The following SEC16B variants were observed in gnomAD, a reference collection of about 807,000 sequenced individuals.
SEC16B encodes the protein protein transport protein Sec16B.
Under a neutral mutation model 141.8 loss-of-function variants are expected in SEC16B, and 115 were observed. The ratio of observed to expected loss-of-function variants is 0.81; its 90% CI spans 0.70 to 0.95. The LOEUF is 0.95. Ranked by LOEUF, SEC16B falls within the 40% of genes least tolerant of loss-of-function variation. The pLI is 0.00. For missense variants in SEC16B, 1,291 were observed against 1,312.3 expected, an observed-to-expected ratio of 0.98 and a Z score of 0.25; for synonymous variants, 493 against 492.5, an observed-to-expected ratio of 1.00 and a Z score of -0.01.
intron 2 of SEC16B, among the ~76,000 whole-genome samples, chr1:177,966,347 T>C (rs1317230407): frequency 6.6e-6 from 1 of 152,188 alleles, no homozygotes; most frequent in Non-Finnish European, 1.5e-5. Flanking sequence ...CCTGATATTA[T>C]CTGAGAAAAC....
At chr1:177,979,739 G>A (rs567543073) in intron 1 of SEC16B, among the ~76,000 whole-genome samples, 1 of 152,318 alleles carries the variant, frequency 6.6e-6, no homozygotes, top group African/African-American at 2.4e-5. Flanking sequence ...TGGCTGAGGA[G>A]GCCTCACAAT....
chr1:177,956,733 A>T (rs1652631093), intron 10 of SEC16B, among the ~76,000 whole-genome samples: 1 of 152,200 alleles, frequency 6.6e-6, no homozygotes, highest in Admixed American at 6.5e-5. Flanking sequence ...AATGCTGTGA[A>T]ATCAATACAC....
Position 177,937,417 on chromosome 1 carries a change from A to G in SEC16B, c.2300T>C (p.Leu767Pro), listed in dbSNP as rs1474475879. Residue 767 changes from leucine to proline, a missense_variant, in exon 19 of 26, where the codon CTG becomes CCG. Transcript: ENST00000308284. ...GGGCTGCTGTGGGCTGGGCTGGAGC[A>G]GGCAGGTCTGCTCAGGTGTCAGCCA... ...ALWLTPEQTC[L>P]LQPSPQQPFP... 1.2e-6 allele frequency: 2 copies of G among 1,609,596 alleles called. No individual in the cohort carries two copies. Among genetic ancestry groups the G allele is most frequent in the Non-Finnish European group, 8.5e-7 (1 of 1,178,162 alleles).
intron 17 of SEC16B, 148 bp from the exon 18 acceptor site, chr1:177,939,925 G>A (rs1377215348): frequency 1.5e-6 from 1 of 668,548 alleles, no homozygotes; most frequent in Non-Finnish European, 2.5e-6. Context: ...GGGGCCTGGG[G>A]GGTCACGTGG....
chr1:177,937,461 A>T lies in SEC16B; in HGVS notation c.2256T>A (p.Pro752=). ...FSGCQGYSEA[P]GYRSALWLTP... Reference sequence around the variant, plus strand: ...TCAGCCACAGAGCTGAGCGGTACCCAGGGGCTTCAGAGTAGCCTTGACATC... The same window carrying T: ...TCAGCCACAGAGCTGAGCGGTACCCTGGGGCTTCAGAGTAGCCTTGACATC... The change falls in exon 19 of 26, where the codon CCT becomes CCA. Residue 752 remains proline (P), a synonymous_variant. Transcript: ENST00000308284. 2 of 1,595,924 alleles carry T rather than the reference A, an allele frequency of 1.3e-6. No homozygotes were observed. The highest frequency in any genetic ancestry group is 3.5e-5 in the Admixed American group (2 of 57,076).
intron 1 of SEC16B, among the ~76,000 whole-genome samples, chr1:177,969,316 G>T (rs1005022240): frequency 2.6e-5 from 4 of 152,172 alleles, no homozygotes; most frequent in African/African-American, 9.7e-5. Flanking sequence ...GAACACACAA[G>T]AAGAACAAGG....
chr1:177,941,920 G>A lies in SEC16B; in HGVS notation c.2002C>T (p.Leu668=). 1 of 1,614,010 alleles carries A rather than the reference G, an allele frequency of 6.2e-7. No individual in the cohort carries two copies. Among genetic ancestry groups the A allele is most frequent in the Non-Finnish European group, 8.5e-7 (1 of 1,179,878 alleles). ...LSQGESSHPV[L]LVELIKLAEK... ...CTCACCTTGATGAGTTCCACTAATA[G>A]CACAGGGTGACTGCTCTCTCCCTGG... Residue 668 remains leucine, a synonymous_variant, in exon 16 of 26, where the codon CTA becomes TTA. Coordinates refer to ENST00000308284, the MANE Select transcript of SEC16B (RefSeq NM_033127.4).
At chr1:177,966,711 C>A (rs1653549567) in intron 2 of SEC16B, among the ~76,000 whole-genome samples, 1 of 151,920 alleles carries the variant, frequency 6.6e-6, no homozygotes, top group African/African-American at 2.4e-5. Context: ...TACAGGCATG[C>A]ACCACCGCGC....
chr1:177,960,504 T>C, intron 7 of SEC16B, 101 bp from the exon 8 acceptor site: 1 of 853,458 alleles, frequency 1.2e-6, no homozygotes, highest in East Asian at 2.6e-5. Flanking sequence ...GGCTAGGATA[T>C]GGCTCAAGGC....
chr1:177,951,328 G>A (rs1652179550), intron 12 of SEC16B, among the ~76,000 whole-genome samples: 1 of 152,170 alleles, frequency 6.6e-6, no homozygotes. Context: ...TAAAGTGACT[G>A]GACGTCAAAG....
intron 24 of SEC16B, among the ~76,000 whole-genome samples, 192 bp from the exon 25 acceptor site, chr1:177,930,835 A>T (rs890515330): frequency 6.6e-6 from 1 of 152,266 alleles, no homozygotes. Context: ...AATGAAAAAA[A>T]TGTTCAACAT....
intron 16 of SEC16B, among the ~76,000 whole-genome samples, chr1:177,941,289 C>A (rs1394185736): frequency 6.6e-6 from 1 of 152,170 alleles, no homozygotes; most frequent in Admixed American, 6.5e-5. Context: ...AGGCTCACCA[C>A]CACAAATTTT....
At chr1:177,978,962 C>T (rs1654291676) in intron 1 of SEC16B, among the ~76,000 whole-genome samples, 1 of 152,034 alleles carries the variant, frequency 6.6e-6, no homozygotes. Context: ...CTATCCTTAG[C>T]TCATTATTTT....
At chr1:177,943,095 T>C (rs1383449868) in intron 15 of SEC16B, among the ~76,000 whole-genome samples, 3 of 152,078 alleles carry the variant, frequency 2.0e-5, no homozygotes, top group African/African-American at 4.8e-5. Flanking sequence ...AGAAGAGTAA[T>C]GCCACAATGC....
intron 18 of SEC16B, among the ~76,000 whole-genome samples, chr1:177,938,619 C>CT (rs35106692): frequency 2.0e-5 from 3 of 151,562 alleles, no homozygotes; most frequent in Non-Finnish European, 4.4e-5. Context: ...CATTGTATGA[C>CT]TTTTTTTTTA....
At chr1:177,951,811 A>G in intron 12 of SEC16B, 103 bp downstream of exon 12, 1 of 854,568 alleles carries the variant, frequency 1.2e-6, no homozygotes, top group South Asian at 1.5e-5. Context: ...TAATATTATC[A>G]TCACTTTTGC....
Position 177,941,909 on chromosome 1 carries a change from T to A in SEC16B, c.2013A>T (p.Glu671Asp). 6.2e-7 allele frequency: 1 copy of A among 1,613,728 alleles called. No individual in the cohort carries two copies. The highest frequency in any genetic ancestry group is 8.5e-7 in the Non-Finnish European group (1 of 1,179,764). The change falls in exon 16 of 26, where the codon GAA (glutamate) becomes GAT (aspartate). Residue 671 changes from glutamate to aspartate, a missense_variant. Glu to Asp is a conservative substitution (Grantham distance 45). This residue lies in a region of SEC16B where 605 missense variants were observed against 614.1 expected (regional missense o/e 0.99). Coordinates refer to ENST00000308284, the MANE Select transcript of SEC16B (RefSeq NM_033127.4). ...CCTTTGAGAGGCTCACCTTGATGAGTTCCACTAATAGCACAGGGTGACTGC... is the reference window on the plus strand; with the variant it reads ...CCTTTGAGAGGCTCACCTTGATGAGATCCACTAATAGCACAGGGTGACTGC... The part of the protein sequence containing the change: ...GESSHPVLLV[E>D]LIKLAEKLKL...
chr1:177,950,931 AGGAG>A (rs1408128289), intron 12 of SEC16B, among the ~76,000 whole-genome samples: 3 of 128,200 alleles, frequency 2.3e-5, no homozygotes, highest in Admixed American at 8.7e-5. Flanking sequence ...GAGGATGTAA[AGGAG>A]GGAGGGAGGG....
At chr1:177,939,618 G>A (rs1252833514) in intron 18 of SEC16B, 84 bp downstream of exon 18, 28 of 1,183,556 alleles carry the variant, frequency 2.4e-5, no homozygotes, top group Middle Eastern at 3.8e-4. Flanking sequence ...AGCAAAGGGC[G>A]AGTGCTTTCA....
Sources: gnomAD v4.1 joint callset for allele counts (sites outside exome capture counted in the v4.1 genomes callset) on GRCh38, gnomAD v4.1.1 for gene constraint, gnomAD v4.1.1 regional missense constraint, MANE v1.5 for transcripts, NCBI Gene and HGNC (gene_info 2026-07-23, HGNC 2026-07-21) for gene names.